Variants in TYW1B observed in about 807,000 individuals in gnomAD.
TYW1B encodes the protein S-adenosyl-L-methionine-dependent tRNA 4-demethylwyosine synthase TYW1B.
A neutral mutation model predicts 86.9 loss-of-function variants in TYW1B; 73 were observed. The ratio of observed to expected loss-of-function variants is 0.84; its 90% CI spans 0.70 to 1.02. The LOEUF (loss-of-function observed/expected upper bound fraction) is 1.02. TYW1B is among the 50% of genes least tolerant of loss of function. The pLI is 0.00. For missense variants in TYW1B, 637 were observed against 827.4 expected, an observed-to-expected ratio of 0.77 and a Z score of 2.82; for synonymous variants, 248 against 292.8, an observed-to-expected ratio of 0.85 and a Z score of 1.56.
intron 11 of TYW1B, among the ~76,000 whole-genome samples, chr7:72,654,923 A>C (rs1554443398): frequency 1.3e-5 from 2 of 152,210 alleles, no homozygotes; most frequent in African/African-American, 4.8e-5. Context: ...AATTGTAACA[A>C]ATGAACCGTA....
At position 72,603,092 on chromosome 7, in the gene TYW1B, T is replaced by TGATGGATTGATG. The variant is rs1554434117; in HGVS notation, c.1785+13579_1785+13580insCATCAATCCATC. 2.0e-5 allele frequency among the ~76,000 whole-genome samples: 3 copies of TGATGGATTGATG among 147,000 alleles called. No individual in the cohort carries two copies. The East Asian group carries it at 5.9e-4, about 29-fold the overall frequency. ...AGACACAGAAAGACAGACAGACAGA[T>TGATGGATTGATG]GATGGATGGATGGATGGATGGATGG... is the stretch of plus-strand genomic sequence containing the variant. On this transcript the variant is annotated intron_variant, in intron 13 of 13. Transcript: ENST00000620995.
intron 13 of TYW1B, among the ~76,000 whole-genome samples, chr7:72,576,509 CTTTTTTTT>C (rs11334473): frequency 8.3e-6 from 1 of 120,088 alleles, no homozygotes; most frequent in Non-Finnish European, 1.7e-5. Flanking sequence ...ATGCCACTGT[CTTTTTTTT>C]TTTTTTTTTT....
At chr7:72,684,116 AG>A (rs781975007) in intron 11 of TYW1B, among the ~76,000 whole-genome samples, 27 of 152,340 alleles carry the variant, frequency 1.8e-4, no homozygotes, top group Non-Finnish European at 2.6e-4. Flanking sequence ...TATGTGTAAC[AG>A]GAATACCAAG....
intron 7 of TYW1B, among the ~76,000 whole-genome samples, chr7:72,747,802 T>C (rs1446808910): frequency 3.3e-5 from 5 of 152,254 alleles, no homozygotes; most frequent in Non-Finnish European, 5.9e-5. Context: ...TTCTAATCCA[T>C]GAACATGCTA....
intron 11 of TYW1B, among the ~76,000 whole-genome samples, chr7:72,656,751 C>T (rs1554443693): frequency 6.6e-6 from 1 of 152,190 alleles, no homozygotes; most frequent in East Asian, 1.9e-4. Context: ...GAGGCATACA[C>T]TCATGGTGGA....
chr7:72,756,588 TGG>T (rs1376795681), intron 7 of TYW1B, among the ~76,000 whole-genome samples: 24 of 152,036 alleles, frequency 1.6e-4, no homozygotes, highest in Admixed American at 1.4e-3. Context: ...GAGTTTTGTA[TGG>T]GGAATCTTGC....
rs115950551 is a variant in TYW1B, at chr7:72,698,198, C to T, written c.1371-3376G>A. Among the ~76,000 whole-genome samples the T allele has an allele frequency of 6.0e-3, 918 of 152,194 alleles. 12 individuals are homozygous for T. The highest frequency in any genetic ancestry group is 0.021 in the African/African-American group (869 of 41,528). The stretch of plus-strand genomic sequence containing the variant: ...AAGGAGAGAATTATTTACCACTCAC[C>T]GAGCTGGCACACTCTGCCGTGTGCT... On this transcript the variant is annotated intron_variant, in intron 10 of 13. Coordinates refer to ENST00000620995, the MANE Select transcript of TYW1B (RefSeq NM_001145440.3).
chr7:72,782,173 G>A (rs1185849730), intron 6 of TYW1B, among the ~76,000 whole-genome samples: 11 of 151,672 alleles, frequency 7.3e-5, no homozygotes, highest in East Asian at 2.0e-4. Context: ...CCTGTCATCC[G>A]AGCCACTTGG....
intron 7 of TYW1B, among the ~76,000 whole-genome samples, chr7:72,753,480 A>AC (rs1787534861): frequency 7.2e-6 from 1 of 138,584 alleles, no homozygotes; most frequent in South Asian, 2.2e-4. Flanking sequence ...ATCATTAGCA[A>AC]TTTTTTTTTT....
intron 13 of TYW1B, among the ~76,000 whole-genome samples, chr7:72,600,314 C>T (rs1309982631): frequency 6.6e-6 from 1 of 152,146 alleles, no homozygotes; most frequent in Non-Finnish European, 1.5e-5. Flanking sequence ...ATTGGATGTC[C>T]TCATGCAAGA....
chr7:72,622,311 T>G (rs1812237291), intron 12 of TYW1B, among the ~76,000 whole-genome samples: 1 of 152,222 alleles, frequency 6.6e-6, no homozygotes, highest in Admixed American at 6.6e-5. Flanking sequence ...GAAACCGATA[T>G]GATAAAGCAG....
intron 5 of TYW1B, 128 bp downstream of exon 5, chr7:72,806,938 C>G: frequency 1.5e-6 from 2 of 1,322,628 alleles, no homozygotes; most frequent in Non-Finnish European, 2.1e-6. Flanking sequence ...CAAGTGCGAG[C>G]CACTGCACTC....
At chr7:72,780,180 G>A (rs563445087) in intron 6 of TYW1B, among the ~76,000 whole-genome samples, 2 of 152,238 alleles carry the variant, frequency 1.3e-5, no homozygotes, top group African/African-American at 4.8e-5. Flanking sequence ...ATGTCGCCCA[G>A]GCTGGTCTCA....
chr7:72,662,094 T>C (rs1362108972), intron 11 of TYW1B, among the ~76,000 whole-genome samples: 3 of 152,202 alleles, frequency 2.0e-5, no homozygotes, highest in Non-Finnish European at 4.4e-5. Flanking sequence ...TAATGGGTTA[T>C]AAACAGACAA....
chr7:72,799,701 G>A (rs1289258333), intron 6 of TYW1B, among the ~76,000 whole-genome samples: 17 of 152,022 alleles, frequency 1.1e-4, no homozygotes, highest in African/African-American at 3.9e-4. Context: ...ACCTGACCTC[G>A]TGATCTGCCT....
intron 13 of TYW1B, among the ~76,000 whole-genome samples, chr7:72,586,870 G>A (rs1811290360): frequency 6.6e-6 from 1 of 151,968 alleles, no homozygotes; most frequent in South Asian, 2.1e-4. Flanking sequence ...GAGGGCAAAG[G>A]TCAGCCCTTT....
intron 11 of TYW1B, among the ~76,000 whole-genome samples, chr7:72,651,805 C>CA (rs1397004212): frequency 6.6e-6 from 1 of 151,824 alleles, no homozygotes; most frequent in Non-Finnish European, 1.5e-5. Flanking sequence ...AAATTGTTAA[C>CA]AAAAATATAA....
intron 10 of TYW1B, among the ~76,000 whole-genome samples, chr7:72,702,312 G>A (rs1257466852): frequency 1.3e-5 from 2 of 152,122 alleles, no homozygotes; most frequent in Non-Finnish European, 2.9e-5. Flanking sequence ...GACTTTGAAG[G>A]AGTTCCCACT....
At chr7:72,812,992 CCT>C (rs1407199600) in intron 3 of TYW1B, among the ~76,000 whole-genome samples, 15 of 151,894 alleles carry the variant, frequency 9.9e-5, no homozygotes, top group African/African-American at 2.9e-4. Flanking sequence ...CCCCACCTGG[CCT>C]CTGTTTTTTT....
Sources: allele counts gnomAD v4.1 joint callset (sites outside exome capture counted in the v4.1 genomes callset), GRCh38; gene constraint gnomAD v4.1.1; transcripts MANE v1.5; gene names NCBI Gene and HGNC (gene_info 2026-07-23, HGNC 2026-07-21).